The following ROBO2 variants were observed in gnomAD, a reference collection of about 807,000 sequenced individuals.
The protein encoded by ROBO2 is roundabout homolog 2.
A neutral mutation model predicts 160.8 loss-of-function variants in ROBO2; 53 were observed. The ratio of observed to expected loss-of-function variants is 0.33; its 90% confidence interval spans 0.26 to 0.41. ROBO2 has a LOEUF of 0.41. Among genes scored for constraint, ROBO2 ranks in the 10% least tolerant of loss-of-function variants. The pLI, the probability that ROBO2 is intolerant of heterozygous loss-of-function variation, is 1.00. For synonymous variants in ROBO2, 664 were observed against 611.7 expected (o/e 1.09, Z -1.26); for missense variants, 1,577 against 1,722.4 (o/e 0.92, Z 1.49).
chr3:76,529,550 G>C (rs1157265250), intron 2 of ROBO2, among the ~76,000 whole-genome samples: 1 of 152,142 alleles, frequency 6.6e-6, no homozygotes, highest in Non-Finnish European at 1.5e-5. Context: ...ATAAAAATGA[G>C]ATTCCTTTTG....
chr3:76,865,804 T>C (rs2071308887), intron 2 of ROBO2, among the ~76,000 whole-genome samples: 1 of 152,158 alleles, frequency 6.6e-6, no homozygotes, highest in African/African-American at 2.4e-5. Flanking sequence ...AAGGAGCTGA[T>C]AAAATCAATT....
chr3:77,639,065 G>A (rs2095310243), intron 24 of ROBO2, among the ~76,000 whole-genome samples: 1 of 151,784 alleles, frequency 6.6e-6, no homozygotes, highest in Non-Finnish European at 1.5e-5. Flanking sequence ...TCTGACCTGA[G>A]GCTCTCTGCC....
intron 2 of ROBO2, among the ~76,000 whole-genome samples, chr3:76,981,022 T>C (rs2060070271): frequency 6.6e-6 from 1 of 152,232 alleles, no homozygotes; most frequent in African/African-American, 2.4e-5. Context: ...CAGTACTTCA[T>C]TCGTTTTCGT....
At chr3:76,631,281 C>T (rs542222951) in intron 2 of ROBO2, among the ~76,000 whole-genome samples, 4 of 152,056 alleles carry the variant, frequency 2.6e-5, no homozygotes, top group Non-Finnish European at 5.9e-5. Context: ...TAACAATGCT[C>T]AGTTTAGGTT....
chr3:76,446,058 A>G (rs372819563), intron 2 of ROBO2, among the ~76,000 whole-genome samples: 1 of 152,108 alleles, frequency 6.6e-6, no homozygotes, highest in Non-Finnish European at 1.5e-5. Context: ...GGCAGGAGAA[A>G]GAAATAAATG....
At chr3:76,050,329 A>G (rs2067611966) in intron 2 of ROBO2, among the ~76,000 whole-genome samples, 1 of 152,106 alleles carries the variant, frequency 6.6e-6, no homozygotes, top group South Asian at 2.1e-4. Flanking sequence ...CTTGGACTTA[A>G]CACCAGTGTT....
At chr3:76,874,816 T>C (rs954960721) in intron 2 of ROBO2, among the ~76,000 whole-genome samples, 12 of 152,192 alleles carry the variant, frequency 7.9e-5, no homozygotes, top group African/African-American at 2.9e-4. Flanking sequence ...GCCAAGTGAC[T>C]TCCTAAGGTG....
rs370357049 is a variant in ROBO2, at chr3:77,279,695, C to T, written c.388+181355C>T. ...ATATAGTCTTTTTAATTATTAAAGACACAATATTAAATACTTTCTATTTAT... is the reference window on the plus strand; with the variant it reads ...ATATAGTCTTTTTAATTATTAAAGATACAATATTAAATACTTTCTATTTAT... On this transcript the variant is annotated intron_variant, in intron 2 of 25. Coordinates refer to ENST00000461745, the Ensembl canonical transcript of ROBO2. 3.3e-4 allele frequency among the ~76,000 whole-genome samples: 50 copies of T among 151,924 alleles called. No homozygotes were observed. In the South Asian group the frequency reaches 0.01, roughly 32 times the overall value.
At chr3:76,113,309 G>A (rs539498314) in intron 2 of ROBO2, among the ~76,000 whole-genome samples, 26 of 152,160 alleles carry the variant, frequency 1.7e-4, no homozygotes, top group African/African-American at 5.3e-4. Context: ...AATAATGGTG[G>A]ATAAGTTCAA....
chr3:76,821,843 C>A (rs1459284443), intron 2 of ROBO2, among the ~76,000 whole-genome samples: 1 of 151,958 alleles, frequency 6.6e-6, no homozygotes, highest in East Asian at 1.9e-4. Context: ...TTAACTATCA[C>A]TGCTTTTTAA....
At chr3:76,615,109 T>G (rs2088475064) in intron 2 of ROBO2, among the ~76,000 whole-genome samples, 1 of 152,184 alleles carries the variant, frequency 6.6e-6, no homozygotes, top group African/African-American at 2.4e-5. Flanking sequence ...GGTTTTTTGA[T>G]TTCACTACAT....
At chr3:76,636,423 C>A (rs28419400) in intron 2 of ROBO2, among the ~76,000 whole-genome samples, 1 of 152,154 alleles carries the variant, frequency 6.6e-6, no homozygotes, top group East Asian at 1.9e-4. Flanking sequence ...CCCCAAGCCC[C>A]CCAAATTAAA....
At chr3:77,009,809 G>C (rs957371299) in intron 2 of ROBO2, among the ~76,000 whole-genome samples, 2 of 151,894 alleles carry the variant, frequency 1.3e-5, no homozygotes, top group Non-Finnish European at 2.9e-5. Flanking sequence ...AGCTGGGTGT[G>C]GTGGCAGGTT....
chr3:75,911,040 T>TC, intron 1 of ROBO2, among the ~76,000 whole-genome samples: 1 of 152,156 alleles, frequency 6.6e-6, no homozygotes, highest in African/African-American at 2.4e-5. Flanking sequence ...AATGCAATTT[T>TC]TTTTTTACTG....
At chr3:76,028,351 C>G (rs1289019242) in intron 2 of ROBO2, among the ~76,000 whole-genome samples, 2 of 151,660 alleles carry the variant, frequency 1.3e-5, no homozygotes, top group Non-Finnish European at 2.9e-5. Flanking sequence ...CTCATAATGA[C>G]AAAAGATGAA....
At chr3:76,312,472 C>T (rs1008507387) in intron 2 of ROBO2, among the ~76,000 whole-genome samples, 8 of 152,156 alleles carry the variant, frequency 5.3e-5, no homozygotes, top group African/African-American at 9.7e-5. Context: ...AATCTTCTGC[C>T]TACTGTACCT....
intron 2 of ROBO2, among the ~76,000 whole-genome samples, chr3:76,967,511 C>A (rs1454980917): frequency 5.4e-5 from 3 of 55,388 alleles, no homozygotes; most frequent in African/African-American, 2.6e-4. Context: ...CTGGCCAGCT[C>A]TTTTTTTTTT....
intron 2 of ROBO2, among the ~76,000 whole-genome samples, chr3:76,672,131 G>T (rs1451440550): frequency 6.6e-6 from 1 of 151,976 alleles, no homozygotes; most frequent in Non-Finnish European, 1.5e-5. Flanking sequence ...AAATCTTAGT[G>T]AGGGCCAGCC....
intron 2 of ROBO2, among the ~76,000 whole-genome samples, chr3:76,920,883 T>C (rs1167003): frequency 0.3 from 45,076 of 152,044 alleles, 8,163 homozygotes; most frequent in African/African-American, 0.51. Flanking sequence ...ACTCACAGCT[T>C]ATAATGAAAG....
Sources: gnomAD v4.1 joint callset for allele counts (sites outside exome capture counted in the v4.1 genomes callset) on GRCh38, gnomAD v4.1.1 for gene constraint, MANE v1.5 for transcripts, NCBI Gene and HGNC (gene_info 2026-07-23, HGNC 2026-07-21) for gene names.